The following CDH12 variants were observed in gnomAD, a reference collection of about 807,000 sequenced individuals.
The protein encoded by CDH12 is cadherin-12.
A neutral mutation model predicts 74.1 loss-of-function variants in CDH12; 41 were observed. The observed-to-expected ratio is 0.55, with a 90% CI of 0.43 to 0.72. The LOEUF (loss-of-function observed/expected upper bound fraction) is 0.72, where lower values mean the gene tolerates loss of function less well. Among genes scored for constraint, CDH12 ranks in the 30% least tolerant of loss-of-function variants. The pLI, the probability that CDH12 is intolerant of heterozygous loss-of-function variation, is 0.00. For synonymous variants in CDH12, 399 were observed against 355.0 expected, an observed-to-expected ratio of 1.12 and a Z score of -1.39; for missense variants, 945 against 977.2, an observed-to-expected ratio of 0.97 and a Z score of 0.44.
chr5:22,579,092 C>T (rs1398810539), intron 1 of CDH12, among the ~76,000 whole-genome samples: 1 of 152,038 alleles, frequency 6.6e-6, no homozygotes, highest in African/African-American at 2.4e-5. Context: ...AAACCTCAAA[C>T]CTAATCTCTA....
At chr5:22,567,321 G>C (rs1467887310) in intron 1 of CDH12, among the ~76,000 whole-genome samples, 1 of 152,088 alleles carries the variant, frequency 6.6e-6, no homozygotes, top group Non-Finnish European at 1.5e-5. Context: ...AACCCAATTT[G>C]AAAATCCTAA....
At chr5:22,626,282 C>T (rs181187701) in intron 1 of CDH12, among the ~76,000 whole-genome samples, 56 of 152,306 alleles carry the variant, frequency 3.7e-4, no homozygotes, top group East Asian at 3.5e-3. Context: ...CTGACACATG[C>T]GGGCAAACAC....
intron 1 of CDH12, among the ~76,000 whole-genome samples, chr5:22,525,679 T>C (rs1313283225): frequency 6.6e-6 from 1 of 152,154 alleles, no homozygotes; most frequent in East Asian, 1.9e-4. Flanking sequence ...TCTCTTTGTT[T>C]TCACCTTTCT....
chr5:22,116,278 G>A (rs1745093201), intron 4 of CDH12, among the ~76,000 whole-genome samples: 1 of 152,082 alleles, frequency 6.6e-6, no homozygotes, highest in Admixed American at 6.6e-5. Context: ...AGATGAAAGG[G>A]GGCCATGTGT....
intron 1 of CDH12, among the ~76,000 whole-genome samples, chr5:22,814,510 G>T (rs138483996): frequency 1.3e-5 from 2 of 151,932 alleles, no homozygotes; most frequent in South Asian, 4.2e-4. Context: ...TAAATGCCAC[G>T]CACATGTCCT....
chr5:22,465,696 G>T (rs1444301580), intron 2 of CDH12, among the ~76,000 whole-genome samples: 1 of 151,974 alleles, frequency 6.6e-6, no homozygotes, highest in African/African-American at 2.4e-5. Context: ...CAGAACACTT[G>T]ACGTATTTCT....
chr5:22,369,389 A>G (rs980678691), intron 3 of CDH12, among the ~76,000 whole-genome samples: 2 of 152,284 alleles, frequency 1.3e-5, no homozygotes, highest in East Asian at 3.9e-4. Flanking sequence ...TAAAGACACT[A>G]TAAACACATT....
At chr5:22,249,428 T>C (rs977823320) in intron 3 of CDH12, among the ~76,000 whole-genome samples, 4 of 152,056 alleles carry the variant, frequency 2.6e-5, no homozygotes, top group African/African-American at 7.2e-5. Flanking sequence ...ATGAAAGCAA[T>C]GACAGAAAAG....
chr5:22,346,947 C>A (rs1390206103), intron 3 of CDH12, among the ~76,000 whole-genome samples: 1 of 152,118 alleles, frequency 6.6e-6, no homozygotes, highest in Non-Finnish European at 1.5e-5. Flanking sequence ...ACTTGAGTTA[C>A]CCATCTCCAT....
chr5:22,281,143 T>A (rs1249053870), intron 3 of CDH12, among the ~76,000 whole-genome samples: 1 of 152,192 alleles, frequency 6.6e-6, no homozygotes, highest in African/African-American at 2.4e-5. Flanking sequence ...TTTCAATAGA[T>A]GCAGAAAAGG....
chr5:22,444,877 C>T (rs570253316), intron 2 of CDH12, among the ~76,000 whole-genome samples: 14 of 151,922 alleles, frequency 9.2e-5, no homozygotes, highest in Admixed American at 3.9e-4. Context: ...CCAGTAAAAA[C>T]GATATTATGC....
At chr5:22,706,392 AT>A (rs1743010837) in intron 1 of CDH12, among the ~76,000 whole-genome samples, 1 of 152,102 alleles carries the variant, frequency 6.6e-6, no homozygotes, top group Non-Finnish European at 1.5e-5. Flanking sequence ...TTCATAAATC[AT>A]TATGAAACAT....
At chr5:22,448,813 T>C (rs1232707930) in intron 2 of CDH12, among the ~76,000 whole-genome samples, 2 of 152,024 alleles carry the variant, frequency 1.3e-5, no homozygotes, top group East Asian at 1.9e-4. Context: ...TAATAACATA[T>C]GTAAGGATTT....
intron 1 of CDH12, among the ~76,000 whole-genome samples, chr5:22,555,647 G>C (rs911012730): frequency 3.3e-5 from 5 of 151,758 alleles, no homozygotes; most frequent in African/African-American, 1.2e-4. Context: ...ATCATTTCGT[G>C]GTCATCTTCA....
intron 1 of CDH12, among the ~76,000 whole-genome samples, chr5:22,656,027 A>G (rs532404838): frequency 2.6e-5 from 4 of 152,206 alleles, no homozygotes; most frequent in Non-Finnish European, 5.9e-5. Context: ...GACCTCAATC[A>G]AAGTAAAATT....
At chr5:22,447,959 G>C (rs868780702) in intron 2 of CDH12, among the ~76,000 whole-genome samples, 2 of 139,684 alleles carry the variant, frequency 1.4e-5, no homozygotes, top group Non-Finnish European at 3.0e-5. Context: ...TGGGCAACAT[G>C]ATGAGGCCTC....
At position 22,554,450 on chromosome 5, in the gene CDH12, G is replaced by T. The variant is rs542349747; in HGVS notation, c.-522-49086C>A. On this transcript the variant is annotated intron_variant, in intron 1 of 14. Transcript: ENST00000382254. ...ATGTCTGTATCTTCTGCTCAATTTT[G>T]CATGAACTTAAAGCTGCTCTAAAAA... Among the ~76,000 whole-genome samples the T allele has an allele frequency of 2.6e-5, 4 of 152,102 alleles. No homozygotes were observed. The South Asian group carries it at 8.3e-4, about 32-fold the overall frequency.
intron 1 of CDH12, among the ~76,000 whole-genome samples, chr5:22,789,547 T>G (rs1747806384): frequency 6.6e-6 from 1 of 152,060 alleles, no homozygotes; most frequent in Non-Finnish European, 1.5e-5. Flanking sequence ...CACTAAAGTC[T>G]GCAGGGTTCT....
intron 4 of CDH12, among the ~76,000 whole-genome samples, chr5:22,189,766 G>C (rs1425196658): frequency 6.6e-6 from 1 of 151,870 alleles, no homozygotes; most frequent in African/African-American, 2.4e-5. Flanking sequence ...TTTAATCATA[G>C]TGCTCAATAG....
Sources: allele counts gnomAD v4.1 joint callset (sites outside exome capture counted in the v4.1 genomes callset), GRCh38; gene constraint gnomAD v4.1.1; transcripts MANE v1.5; gene names NCBI Gene and HGNC (gene_info 2026-07-23, HGNC 2026-07-21).